The following CYTH1 variants were observed in gnomAD, a reference collection of about 807,000 sequenced individuals.
CYTH1 encodes cytohesin 1.
A neutral mutation model predicts 61.8 loss-of-function variants in CYTH1; 18 were observed. That is an observed-to-expected ratio of 0.29 (90% CI 0.20 to 0.43). The LOEUF (loss-of-function observed/expected upper bound fraction) is 0.43, where lower values mean the gene tolerates loss of function less well. CYTH1 is among the 20% of genes least tolerant of loss of function. The pLI is 1.00. For missense variants in CYTH1, 336 were observed against 510.5 expected (o/e 0.66, Z 3.29); for synonymous variants, 174 against 184.3 (o/e 0.94, Z 0.45).
intron 13 of CYTH1, chr17:78,677,485 T>G (rs1231848856): frequency 1.6e-5 from 3 of 181,950 alleles, no homozygotes; most frequent in African/African-American, 7.2e-5. Context: ...TTCCGGAGAG[T>G]CAAAAAGAGA....
chr17:78,749,262 C>A (rs2093370289), intron 1 of CYTH1, among the ~76,000 whole-genome samples: 2 of 152,090 alleles, frequency 1.3e-5, no homozygotes, highest in African/African-American at 2.4e-5. Flanking sequence ...GAGTTCAAGA[C>A]CAGCCTGGTC....
intron 1 of CYTH1, among the ~76,000 whole-genome samples, chr17:78,726,326 G>A (rs887241337): frequency 6.6e-6 from 1 of 152,098 alleles, no homozygotes; most frequent in African/African-American, 2.4e-5. Context: ...ACAGGCGTGA[G>A]CCACCGCGCC....
intron 1 of CYTH1, among the ~76,000 whole-genome samples, chr17:78,738,535 G>T (rs2093330066): frequency 6.6e-6 from 1 of 152,086 alleles, no homozygotes; most frequent in Non-Finnish European, 1.5e-5. Flanking sequence ...GTCAGACTCT[G>T]AAGGTGCTGA....
rs11291374 is a variant in CYTH1, at chr17:78,769,145, C to CA, written c.22+13056dup. ...TAGGCAACAGAGCAAGACTATGTCT[C>CA]AAAAAAAAAAAAAGCAAAATAATCA... On this transcript the variant is annotated intron_variant, in intron 1 of 13. Transcript: ENST00000446868. Among the ~76,000 whole-genome samples, 157 of 141,688 alleles carry CA rather than the reference C, an allele frequency of 1.1e-3. 1 individual carries two copies. In the Middle Eastern group the frequency reaches 0.015, roughly 13 times the overall value. The allele number at this position is 141,688 out of a possible 152,430, so 93.0% of individuals were successfully genotyped here. A position where few individuals can be genotyped will look rare whatever the true frequency, so the allele number is the denominator to read the frequency against.
At chr17:78,709,577 G>C in intron 2 of CYTH1, 73 bp downstream of exon 2, 1 of 1,521,392 alleles carries the variant, frequency 6.6e-7, no homozygotes, top group Non-Finnish European at 9.1e-7. Flanking sequence ...ACTCTGCAAA[G>C]GACACCCTTT....
intron 1 of CYTH1, among the ~76,000 whole-genome samples, chr17:78,730,054 T>C (rs1279072654): frequency 6.6e-6 from 1 of 152,200 alleles, no homozygotes; most frequent in East Asian, 1.9e-4. Flanking sequence ...ATTTCTATTA[T>C]AGAAGAAACA....
chr17:78,780,689 G>A (rs934074341), intron 1 of CYTH1, among the ~76,000 whole-genome samples: 6 of 152,072 alleles, frequency 3.9e-5, no homozygotes, highest in African/African-American at 1.4e-4. Context: ...TGGGTAACAT[G>A]GCAAGACCCC....
Position 78,700,223 on chromosome 17 carries a change from G to A in CYTH1, c.550+108C>T. 3.2e-6 allele frequency: 3 copies of A among 927,458 alleles called. No homozygotes were observed. The highest frequency in any genetic ancestry group is 3.8e-5 in the South Asian group (2 of 52,974). 57.5% of individuals were successfully genotyped at this position (927,458 alleles called of 1,614,324 possible). On this transcript the variant is annotated intron_variant, in intron 7 of 13. Transcript: ENST00000446868. The surrounding 1 kb of genome is among the most constrained non-coding windows in gnomAD (Gnocchi z 5.1). ...CTATTATAACTATCATTGAGTAAACGTTCCTAGGCATGAATCTCAGCCCTT... is the reference window on the plus strand; with the variant it reads ...CTATTATAACTATCATTGAGTAAACATTCCTAGGCATGAATCTCAGCCCTT...
chr17:78,764,746 G>A (rs1253624242), intron 1 of CYTH1, among the ~76,000 whole-genome samples: 1 of 152,058 alleles, frequency 6.6e-6, no homozygotes, highest in Non-Finnish European at 1.5e-5. Context: ...GGGGAGCATG[G>A]ATTTAATGAT....
chr17:78,765,745 T>G (rs1353283755), intron 1 of CYTH1, among the ~76,000 whole-genome samples: 1 of 152,100 alleles, frequency 6.6e-6, no homozygotes, highest in Non-Finnish European at 1.5e-5. Flanking sequence ...TTTCCAGGGC[T>G]CCCTGGATGT....
At chr17:78,703,361 G>A (rs2093032578) in intron 3 of CYTH1, among the ~76,000 whole-genome samples, 1 of 142,274 alleles carries the variant, frequency 7.0e-6, no homozygotes, top group Non-Finnish European at 1.5e-5. Context: ...GGAGTGAGTG[G>A]AGATCCACCA....
At chr17:78,756,783 T>C (rs2093402923) in intron 1 of CYTH1, among the ~76,000 whole-genome samples, 1 of 151,362 alleles carries the variant, frequency 6.6e-6, no homozygotes, top group South Asian at 2.1e-4. Context: ...GCTATGATCA[T>C]GCCACTGCAC....
At chr17:78,776,522 G>C (rs2093491658) in intron 1 of CYTH1, among the ~76,000 whole-genome samples, 1 of 151,876 alleles carries the variant, frequency 6.6e-6, no homozygotes, top group African/African-American at 2.4e-5. Flanking sequence ...AGCTGAGCGT[G>C]GTAGCACACG....
intron 11 of CYTH1, among the ~76,000 whole-genome samples, chr17:78,681,387 C>T (rs1186645417): frequency 6.6e-6 from 1 of 152,154 alleles, no homozygotes; most frequent in African/African-American, 2.4e-5. Flanking sequence ...TCTGAAGCCT[C>T]AGTTCTGGGG....
At chr17:78,721,279 G>A (rs1345729511) in intron 1 of CYTH1, among the ~76,000 whole-genome samples, 3 of 152,236 alleles carry the variant, frequency 2.0e-5, no homozygotes, top group Non-Finnish European at 2.9e-5. Context: ...GCAGTGAGCC[G>A]AGATCGGGCC....
chr17:78,781,864 C>G (rs1183688784), intron 1 of CYTH1, among the ~76,000 whole-genome samples: 1 of 151,728 alleles, frequency 6.6e-6, no homozygotes, highest in Non-Finnish European at 1.5e-5. Context: ...CCCCTGAGAT[C>G]CTGCCCCGCG....
intron 1 of CYTH1, among the ~76,000 whole-genome samples, chr17:78,750,184 T>C (rs1418245144): frequency 6.6e-6 from 1 of 152,186 alleles, no homozygotes; most frequent in African/African-American, 2.4e-5. Context: ...AAAAACAGAT[T>C]ACTTCAAGAT....
chr17:78,768,636 T>G (rs1181226285), intron 1 of CYTH1, among the ~76,000 whole-genome samples: 2 of 152,062 alleles, frequency 1.3e-5, no homozygotes, highest in Non-Finnish European at 2.9e-5. Flanking sequence ...TGGTCCTGTA[T>G]TTTTTCTCTC....
In CYTH1 at chr17:78,766,065, AT is replaced by A. The variant is rs1365293506; in HGVS notation, c.22+16136del. On this transcript the variant is annotated intron_variant, in intron 1 of 13. Coordinates refer to ENST00000446868, the MANE Select transcript of CYTH1 (RefSeq NM_004762.6). ...GGAGTTTGAGACCAGCCAGGGCAAC[AT>A]AGTGAGATCCCATCTCTACAGAAAA... Among the ~76,000 whole-genome samples the A allele has an allele frequency of 4.6e-5, 6 of 131,322 alleles. No homozygotes were observed. The Admixed American group carries it at 5.2e-4, about 11-fold the overall frequency. The allele number at this position is 131,322 out of a possible 152,430, so 86.2% of individuals were successfully genotyped here.
Sources: gnomAD v4.1 joint callset for allele counts (sites outside exome capture counted in the v4.1 genomes callset) on GRCh38, gnomAD v4.1.1 for gene constraint, Gnocchi (gnomAD v3.1) non-coding constraint, MANE v1.5 for transcripts, NCBI Gene and HGNC (gene_info 2026-07-23, HGNC 2026-07-21) for gene names.